The following CARMIL1 variants were observed in gnomAD, a reference collection of about 807,000 sequenced individuals.
The protein encoded by CARMIL1 is capping protein regulator and myosin 1 linker 1, also known as F-actin-uncapping protein LRRC16A.
In CARMIL1, 90 loss-of-function variants were observed where a neutral mutation model predicts 177.1. That is an observed-to-expected ratio of 0.51 (90% CI 0.43 to 0.61). The LOEUF (loss-of-function observed/expected upper bound fraction) is 0.61, where lower values mean the gene tolerates loss of function less well. Among genes scored for constraint, CARMIL1 ranks in the 20% least tolerant of loss-of-function variants. The probability of loss-of-function intolerance (pLI) is 0.00; values close to 1 mark genes in which losing one functional copy is unlikely to be tolerated. For missense variants in CARMIL1, 1,380 were observed against 1,667.0 expected (o/e 0.83, Z 3.00); for synonymous variants, 577 against 606.2 (o/e 0.95, Z 0.71).
intron 20 of CARMIL1, among the ~76,000 whole-genome samples, chr6:25,512,716 G>T (rs1454885916): frequency 6.6e-6 from 1 of 152,112 alleles, no homozygotes; most frequent in African/African-American, 2.4e-5. Context: ...CTACATGCTG[G>T]TGGGTTCCAG....
Position 25,472,481 on chromosome 6 carries a change from C to T in CARMIL1, c.834C>T (p.Leu278=). The change falls in exon 11 of 37, where the codon CTC becomes CTT. Residue 278 remains leucine (L), a synonymous_variant. Coordinates refer to ENST00000329474, the MANE Select transcript of CARMIL1 (RefSeq NM_017640.6). ...SALAHNPNSG[L]HTINLAGNPL... is the part of the protein sequence containing the mutation. ...TAGCACATAATCCCAACTCAGGACT[C>T]CACACAATTAACCTTGCTGGCAACC... 6.3e-7 allele frequency: 1 copy of T among 1,583,796 alleles called. No individual in the cohort carries two copies. Among genetic ancestry groups the T allele is most frequent in the Non-Finnish European group, 8.6e-7 (1 of 1,164,200 alleles).
chr6:25,435,348 A>G lies in CARMIL1; in HGVS notation c.250-135A>G, dbSNP rs890593217. 4.1e-6 allele frequency: 4 copies of G among 986,530 alleles called. No individual in the cohort carries two copies. The African/African-American group carries it at 6.7e-5, about 17-fold the overall frequency. The allele number at this position is 986,530 out of a possible 1,614,324, so 61.1% of individuals were successfully genotyped here. ...CGTATGTGAGATGTGCTACCCTCGAACCTTGTTAAAGAAAAAAAAAGCTAA... is the reference window on the plus strand; with the variant it reads ...CGTATGTGAGATGTGCTACCCTCGAGCCTTGTTAAAGAAAAAAAAAGCTAA... On this transcript the variant is annotated intron_variant, in intron 4 of 36. Transcript: ENST00000329474.
chr6:25,451,670 G>A (rs751828207), intron 8 of CARMIL1, among the ~76,000 whole-genome samples: 2 of 152,080 alleles, frequency 1.3e-5, no homozygotes, highest in African/African-American at 4.8e-5. Flanking sequence ...AGTCGAGCCC[G>A]GCCCTATTCC....
At chr6:25,377,059 AC>A (rs1791059355) in intron 2 of CARMIL1, among the ~76,000 whole-genome samples, 1 of 152,088 alleles carries the variant, frequency 6.6e-6, no homozygotes, top group Non-Finnish European at 1.5e-5. Flanking sequence ...TTGTGACTGT[AC>A]CCCTCATCCA....
At chr6:25,375,041 T>G (rs950284947) in intron 2 of CARMIL1, among the ~76,000 whole-genome samples, 4 of 152,248 alleles carry the variant, frequency 2.6e-5, no homozygotes, top group East Asian at 3.8e-4. Context: ...TTATGTTGAT[T>G]GTTACATAGG....
chr6:25,525,816 A>G (rs1198254426), intron 23 of CARMIL1, among the ~76,000 whole-genome samples: 1 of 152,252 alleles, frequency 6.6e-6, no homozygotes, highest in East Asian at 1.9e-4. Flanking sequence ...TAAAAGGAGT[A>G]TAATTGATGA....
chr6:25,325,314 T>C (rs1403406964), intron 2 of CARMIL1, among the ~76,000 whole-genome samples: 2 of 152,196 alleles, frequency 1.3e-5, no homozygotes, highest in Non-Finnish European at 2.9e-5. Flanking sequence ...TATTGTCACA[T>C]ACCATGAGCT....
At chr6:25,482,420 G>T in intron 12 of CARMIL1, 77 bp downstream of exon 12, 1 of 625,888 alleles carries the variant, frequency 1.6e-6, no homozygotes, top group South Asian at 2.3e-5. Context: ...AGAATTATTT[G>T]TTACATTTAA....
At chr6:25,442,874 A>G (rs1215792716) in intron 5 of CARMIL1, among the ~76,000 whole-genome samples, 1 of 152,162 alleles carries the variant, frequency 6.6e-6, no homozygotes, top group Non-Finnish European at 1.5e-5. Flanking sequence ...CCTGAGTGTG[A>G]ATGTCCACTT....
At chr6:25,563,426 G>C (rs187192861) in intron 29 of CARMIL1, 2 of 985,374 alleles carry the variant, frequency 2.0e-6, no homozygotes, top group Admixed American at 1.2e-4. Flanking sequence ...ATATGTATGT[G>C]AGAGAACCTG....
chr6:25,474,977 C>A lies in CARMIL1; in HGVS notation c.874+2456C>A, dbSNP rs185496841. ...TGCAAATCAAAGCCACAGTGAGGTA[C>A]CATTTCAAAAGCAGTAGTGTGGCAA... On this transcript the variant is annotated intron_variant, in intron 11 of 36. Coordinates refer to ENST00000329474, the MANE Select transcript of CARMIL1 (RefSeq NM_017640.6). 2.0e-5 allele frequency among the ~76,000 whole-genome samples: 3 copies of A among 152,228 alleles called. No homozygotes were observed. In the East Asian group the frequency reaches 5.8e-4, roughly 29 times the overall value.
At chr6:25,548,089 A>C (rs112430397) in intron 26 of CARMIL1, among the ~76,000 whole-genome samples, 1,660 of 152,310 alleles carry the variant, frequency 0.011, 18 homozygotes, top group Non-Finnish European at 0.015. Context: ...TGGATTATGA[A>C]TAGTTATAAA....
intron 3 of CARMIL1, 85 bp from the exon 4 acceptor site, chr6:25,426,412 ATTTT>A (rs5875038): frequency 9.9e-3 from 7,489 of 756,578 alleles, no homozygotes; most frequent in East Asian, 0.019. Flanking sequence ...TAGTTGTAGG[ATTTT>A]TTTTTTTTTT....
intron 1 of CARMIL1, among the ~76,000 whole-genome samples, chr6:25,281,118 ACGCGCGTGTGCG>A (rs1781059156): frequency 1.2e-5 from 1 of 80,600 alleles, no homozygotes; most frequent in African/African-American, 3.5e-5. Flanking sequence ...TCACAGACGC[ACGCGCGTGTGCG>A]CGCGCGCACA....
intron 9 of CARMIL1, among the ~76,000 whole-genome samples, chr6:25,467,251 G>T (rs561260671): frequency 4.3e-4 from 65 of 152,278 alleles, no homozygotes; most frequent in Admixed American, 2.6e-3. Flanking sequence ...GCCATTATGG[G>T]AGACCTAAGA....
intron 28 of CARMIL1, among the ~76,000 whole-genome samples, chr6:25,555,847 A>T (rs1415354345): frequency 6.6e-6 from 1 of 152,150 alleles, no homozygotes; most frequent in Non-Finnish European, 1.5e-5. Context: ...GAAAGTTTGA[A>T]TTTTTCACTT....
chr6:25,349,485 C>T (rs1373970240), intron 2 of CARMIL1, among the ~76,000 whole-genome samples: 8 of 152,180 alleles, frequency 5.3e-5, no homozygotes, highest in Non-Finnish European at 8.8e-5. Context: ...GGGCTACAGA[C>T]GGGTGGCCCT....
At chr6:25,390,360 C>T (rs1198883771) in intron 2 of CARMIL1, among the ~76,000 whole-genome samples, 1 of 126,690 alleles carries the variant, frequency 7.9e-6, no homozygotes, top group Non-Finnish European at 1.6e-5. Context: ...CTCAGTCTGT[C>T]ACCCAGGTTG....
intron 2 of CARMIL1, among the ~76,000 whole-genome samples, chr6:25,370,949 C>T (rs9461147): frequency 0.15 from 22,544 of 150,774 alleles, 1,723 homozygotes; most frequent in African/African-American, 0.19. Flanking sequence ...CCAAAGTTCG[C>T]TAAATGACTC....
Sources: gnomAD v4.1 joint callset for allele counts (sites outside exome capture counted in the v4.1 genomes callset) on GRCh38, gnomAD v4.1.1 for gene constraint, MANE v1.5 for transcripts, NCBI Gene and HGNC (gene_info 2026-07-23, HGNC 2026-07-21) for gene names.